Variants in MX2 observed in about 807,000 individuals in gnomAD.
MX2 encodes the protein MX dynamin like GTPase 2.
MX2 carries 51 observed loss-of-function variants against 74.0 expected under a neutral mutation model. The observed-to-expected ratio is 0.69, with a 90% CI of 0.55 to 0.87. The LOEUF is 0.87. Among genes scored for constraint, MX2 ranks in the 40% least tolerant of loss-of-function variants. The probability of loss-of-function intolerance (pLI) is 0.00; values close to 1 mark genes in which losing one functional copy is unlikely to be tolerated. For synonymous variants in MX2, 369 were observed against 339.3 expected, an observed-to-expected ratio of 1.09 and a Z score of -0.96; for missense variants, 832 against 908.7, an observed-to-expected ratio of 0.92 and a Z score of 1.09.
At chr21:41,407,029 C>T in intron 13 of MX2, 31 bp downstream of exon 13, 1 of 1,598,950 alleles carries the variant, frequency 6.3e-7, no homozygotes, top group Admixed American at 1.7e-5. Flanking sequence ...GAGCCGTGCT[C>T]TCTGAAATTT....
At chr21:41,369,190 G>C (rs188608211) in intron 1 of MX2, among the ~76,000 whole-genome samples, 3 of 152,264 alleles carry the variant, frequency 2.0e-5, no homozygotes, top group Admixed American at 6.5e-5. Flanking sequence ...ATGGGAGGAG[G>C]GGGGTGCAGG....
chr21:41,395,599 A>T lies in MX2; in HGVS notation c.884A>T (p.Lys295Ile). 1 of 1,614,118 alleles carries T rather than the reference A, an allele frequency of 6.2e-7. No homozygotes were observed. The highest frequency in any genetic ancestry group is 1.1e-5 in the South Asian group (1 of 91,088). The change falls in exon 7 of 14, where the codon AAA (lysine) becomes ATA (isoleucine). Residue 295 changes from lysine (K) to isoleucine (I), a missense_variant. Transcript: ENST00000330714. ...EGDRTIGILT[K>I]PDLMDRGTEK... Reference sequence around the variant, plus strand: ...AACCATCTCACAGGTATCCTGACCAAACCAGATCTAATGGACAGGGGCACT... The same window carrying T: ...AACCATCTCACAGGTATCCTGACCATACCAGATCTAATGGACAGGGGCACT...
At chr21:41,385,741 C>A (rs748464655) in intron 5 of MX2, among the ~76,000 whole-genome samples, 2 of 151,900 alleles carry the variant, frequency 1.3e-5, no homozygotes, top group African/African-American at 4.8e-5. Context: ...GCTGGGGAGC[C>A]GTCATAACAC....
chr21:41,376,453 G>A (rs1437328166), intron 1 of MX2, among the ~76,000 whole-genome samples: 1 of 152,186 alleles, frequency 6.6e-6, no homozygotes, highest in Admixed American at 6.5e-5. Context: ...AGCTGAGGCA[G>A]GGGGACTGCT....
rs1237219129 is a variant in MX2 at position 41,397,628 on chromosome 21, G to T, written c.1086G>T (p.Glu362Asp). Residue 362 changes from glutamate (E) to aspartate (D), a missense_variant, in exon 8 of 14, where the codon GAG becomes GAT. Glu to Asp is a conservative substitution (Grantham distance 45). Coordinates refer to ENST00000330714, the MANE Select transcript of MX2 (RefSeq NM_002463.2). ...CTCATTTCAGAGTTCTCCTGGAGGAGGGGTCAGCCACGGTTCCCCGACTGG... is the reference window on the plus strand; with the variant it reads ...CTCATTTCAGAGTTCTCCTGGAGGATGGGTCAGCCACGGTTCCCCGACTGG... ...THPYFRVLLEEGSATVPRLAE... is the reference protein window; with the variant it reads ...THPYFRVLLEDGSATVPRLAE... 6.2e-7 allele frequency: 1 copy of T among 1,614,066 alleles called. No individual in the cohort carries two copies.
At position 41,403,253 on chromosome 21, in the gene MX2, C is replaced by T. The variant is rs459763; in HGVS notation, c.1574-14C>T. 1,443,200 of 1,597,014 alleles carry T rather than the reference C, an allele frequency of 0.9. 652,643 individuals carry two copies. The highest frequency in any genetic ancestry group is 0.97 in the East Asian group (43,263 of 44,774). On this transcript the variant is annotated splice_polypyrimidine_tract_variant and intron_variant, in intron 11 of 13. Transcript: ENST00000330714. Reference sequence around the variant, plus strand: ...TGTTTTCTTCTTCTTCTCCTTTTTGCTTTTTTTGGTCAGAAATTATCCAGC... The same window carrying T: ...TGTTTTCTTCTTCTTCTCCTTTTTGTTTTTTTTGGTCAGAAATTATCCAGC...
intron 3 of MX2, among the ~76,000 whole-genome samples, chr21:41,379,185 G>A (rs1309910595): frequency 2.0e-5 from 3 of 152,334 alleles, no homozygotes; most frequent in South Asian, 2.1e-4. Context: ...GTCCTTCTCC[G>A]TGCTCTGGGT....
chr21:41,408,178 G>A lies in MX2; in HGVS notation c.2093G>A (p.Arg698Gln), dbSNP rs376691237. ...KRRILKERIY[R>Q]LTQARHALCQ... ...AGAATCCTTAAGGAGAGAATTTACCGGCTCACTCAGGCGCGACACGCACTC... is the reference window on the plus strand; with the variant it reads ...AGAATCCTTAAGGAGAGAATTTACCAGCTCACTCAGGCGCGACACGCACTC... The change falls in exon 14 of 14, where the codon CGG (arginine) becomes CAG (glutamine). Residue 698 changes from arginine to glutamine, a missense_variant. Physicochemically the swap from Arg to Gln is conservative, Grantham distance 43. Coordinates refer to ENST00000330714, the MANE Select transcript of MX2 (RefSeq NM_002463.2). 27 of 1,614,076 alleles carry A rather than the reference G, an allele frequency of 1.7e-5. No homozygotes were observed. Among genetic ancestry groups the A allele is most frequent in the East Asian group, 6.7e-5 (3 of 44,894 alleles).
intron 13 of MX2, among the ~76,000 whole-genome samples, chr21:41,407,675 A>G (rs948503199): frequency 2.0e-5 from 3 of 152,318 alleles, no homozygotes; most frequent in South Asian, 2.1e-4. Flanking sequence ...CATACCCAGA[A>G]GGGAGCCAGG....
chr21:41,368,531 C>T lies in MX2; in HGVS notation c.-72+6476C>T, dbSNP rs185128772. Among the ~76,000 whole-genome samples the T allele has an allele frequency of 5.3e-5, 8 of 152,346 alleles. No individual in the cohort carries two copies. The highest frequency in any genetic ancestry group is 5.2e-4 in the Admixed American group (8 of 15,304). On this transcript the variant is annotated intron_variant, in intron 1 of 13. Transcript: ENST00000330714. The surrounding 1 kb of genome is among the most constrained non-coding windows in gnomAD (Gnocchi z 4.6). ...CCTCCGACCTTCACACATGTTCACC[C>T]CTGCAACTTTTCACCCCTTTATTTT...
intron 5 of MX2, 70 bp downstream of exon 5, chr21:41,382,634 T>C (rs1742572081): frequency 6.3e-7 from 1 of 1,582,980 alleles, no homozygotes; most frequent in African/African-American, 1.3e-5. Flanking sequence ...CCCAGGGTCC[T>C]GGTGTACCTC....
intron 6 of MX2, among the ~76,000 whole-genome samples, chr21:41,391,978 C>T (rs1001432395): frequency 1.3e-5 from 2 of 152,080 alleles, no homozygotes; most frequent in Non-Finnish European, 2.9e-5. Flanking sequence ...TGATCCTCTC[C>T]CTCCTCCACC....
chr21:41,362,829 G>C (rs1324283617), intron 1 of MX2, among the ~76,000 whole-genome samples: 1 of 140,820 alleles, frequency 7.1e-6, no homozygotes, highest in African/African-American at 2.7e-5. Flanking sequence ...CGTGATCATG[G>C]CTCACTGCAG....
At chr21:41,389,907 G>T (rs1008047661) in intron 5 of MX2, 2 of 152,124 alleles carry the variant, frequency 1.3e-5, no homozygotes, top group Non-Finnish European at 2.9e-5. Context: ...GCATTTTAAG[G>T]CATATGTTGC....
rs374635176 is a variant in MX2, at chr21:41,402,100, C to T, written c.1545C>T (p.Pro515=). The T allele has an allele frequency of 1.1e-5, 18 of 1,613,882 alleles. No individual in the cohort carries two copies. The highest frequency in any genetic ancestry group is 9.3e-5 in the African/African-American group (7 of 74,924). The change falls in exon 11 of 14, where the codon CCC becomes CCT. Residue 515 remains proline (P), a synonymous_variant. Coordinates refer to ENST00000330714, the MANE Select transcript of MX2 (RefSeq NM_002463.2). This position sits in a 1 kb window ranked among gnomAD's most constrained non-coding sequence, Gnocchi z 4.5. Reference sequence around the variant, plus strand: ...AGTACATCCAGCAGCTGGTGGAGCCCGCCCTTAGCATGCTCCAGAAAGCCA... The same window carrying T: ...AGTACATCCAGCAGCTGGTGGAGCCTGCCCTTAGCATGCTCCAGAAAGCCA... The part of the protein sequence containing the change: ...VHQYIQQLVE[P]ALSMLQKAME...
chr21:41,397,917 A>G (rs993304582), intron 8 of MX2, among the ~76,000 whole-genome samples: 1 of 152,102 alleles, frequency 6.6e-6, no homozygotes, highest in East Asian at 1.9e-4. Flanking sequence ...AACAGGGGGG[A>G]AAAAGAAGAG....
intron 1 of MX2, among the ~76,000 whole-genome samples, chr21:41,373,695 C>T (rs1405685729): frequency 6.6e-6 from 1 of 151,926 alleles, no homozygotes. Flanking sequence ...AAGGGTGTTG[C>T]CCCTGGGTTT....
At chr21:41,395,437 A>C in intron 6 of MX2, 150 bp from the exon 7 acceptor site, 1 of 646,042 alleles carries the variant, frequency 1.5e-6, no homozygotes. Context: ...GAAGAGGGGC[A>C]ATGAGGGAAT....
At chr21:41,375,742 C>A (rs1237930229) in intron 1 of MX2, among the ~76,000 whole-genome samples, 1 of 150,838 alleles carries the variant, frequency 6.6e-6, no homozygotes, top group African/African-American at 2.4e-5. Flanking sequence ...AGTCTTTTTC[C>A]AAAAAAAAAG....
Sources: gnomAD v4.1 joint callset for allele counts (sites outside exome capture counted in the v4.1 genomes callset) on GRCh38, gnomAD v4.1.1 for gene constraint, Gnocchi (gnomAD v3.1) non-coding constraint, MANE v1.5 for transcripts, NCBI Gene and HGNC (gene_info 2026-07-23, HGNC 2026-07-21) for gene names.